Variants in STYXL1 observed in about 807,000 individuals in gnomAD.
The protein encoded by STYXL1 is serine/threonine/tyrosine interacting like 1, also known as serine/threonine/tyrosine-interacting-like protein 1.
In STYXL1, 32 loss-of-function variants were observed where a neutral mutation model predicts 36.4. The ratio of observed to expected loss-of-function variants is 0.88; its 90% CI spans 0.66 to 1.18. The LOEUF (loss-of-function observed/expected upper bound fraction) is 1.18. Ranked by LOEUF, STYXL1 falls within the 50% of genes most tolerant of loss-of-function variation. The probability of loss-of-function intolerance (pLI) is 0.00; values close to 1 mark genes in which losing one functional copy is unlikely to be tolerated. For synonymous variants in STYXL1, 133 were observed against 144.1 expected, an observed-to-expected ratio of 0.92 and a Z score of 0.55; for missense variants, 354 against 394.1, an observed-to-expected ratio of 0.90 and a Z score of 0.86.
chr7:76,000,456 G>A (rs1018548132), intron 8 of STYXL1: 20 of 457,278 alleles, frequency 4.4e-5, no homozygotes, highest in Non-Finnish European at 7.5e-5. Context: ...TGTGAGTTAG[G>A]AGCTCCGAGT....
At chr7:76,018,748 T>C (rs1392681402) in intron 4 of STYXL1, among the ~76,000 whole-genome samples, 3 of 152,226 alleles carry the variant, frequency 2.0e-5, no homozygotes, top group Admixed American at 1.3e-4. Flanking sequence ...CCACATTCTG[T>C]TCTACCTGTT....
In STYXL1 at chr7:76,035,087, T is replaced by C. The variant is rs150106445; in HGVS notation, c.-4-4560A>G. ...ACAGCACCATGATCCACCCAGTTGC[T>C]TGGGCCCGATGACCTCATTCCCCTT... is the stretch of plus-strand genomic sequence containing the variant. On this transcript the variant is annotated intron_variant, in intron 1 of 8. Transcript: ENST00000359697. Among the ~76,000 whole-genome samples the C allele has an allele frequency of 1.4e-3, 215 of 150,002 alleles. 27 individuals are homozygous for C. The South Asian group carries it at 0.043, about 30-fold the overall frequency.
chr7:76,042,371 C>G (rs1214532545), intron 1 of STYXL1, among the ~76,000 whole-genome samples: 1 of 135,500 alleles, frequency 7.4e-6, no homozygotes, highest in Non-Finnish European at 1.6e-5. Flanking sequence ...ACCAACTGCT[C>G]CCTGGGTGCC....
At chr7:76,041,147 A>G (rs2116490296) in intron 1 of STYXL1, among the ~76,000 whole-genome samples, 1 of 151,290 alleles carries the variant, frequency 6.6e-6, no homozygotes, top group South Asian at 2.1e-4. Context: ...GACCAGCCTG[A>G]GCAATATAGT....
rs182042259 is a variant in STYXL1, at chr7:76,004,155, A to G, written c.600-300T>C. 1.3e-3 allele frequency among the ~76,000 whole-genome samples: 204 copies of G among 152,144 alleles called. 9 individuals are homozygous for G. In the South Asian group the frequency reaches 0.038, roughly 28 times the overall value. On this transcript the variant is annotated intron_variant, in intron 6 of 8. Coordinates refer to ENST00000359697, the MANE Select transcript of STYXL1 (RefSeq NM_001317785.2). Reference sequence around the variant, plus strand: ...GTTGCCCAGGCTGGAGTGCAGTGGCACGATCTCGGCTCACTGCAACCTCTA... The same window carrying G: ...GTTGCCCAGGCTGGAGTGCAGTGGCGCGATCTCGGCTCACTGCAACCTCTA...
At chr7:76,024,187 C>T (rs1196577842) in intron 3 of STYXL1, among the ~76,000 whole-genome samples, 1 of 152,094 alleles carries the variant, frequency 6.6e-6, no homozygotes, top group Non-Finnish European at 1.5e-5. Context: ...CAGAATATTA[C>T]TTTAGAGAGC....
chr7:76,041,247 G>A (rs1461607618), intron 1 of STYXL1, among the ~76,000 whole-genome samples: 1 of 151,814 alleles, frequency 6.6e-6, no homozygotes, highest in Non-Finnish European at 1.5e-5. Context: ...GAGTTGAAGA[G>A]AAGGTAGGTT....
chr7:76,022,081 G>A (rs1794149718), intron 3 of STYXL1, 89 bp from the exon 4 acceptor site: 2 of 1,543,196 alleles, frequency 1.3e-6, no homozygotes, highest in African/African-American at 2.8e-5. Flanking sequence ...AGCACTGGGA[G>A]GAGCTAAGAC....
chr7:76,030,648 T>C (rs1440141104), intron 1 of STYXL1, 121 bp from the exon 2 acceptor site: 1 of 650,138 alleles, frequency 1.5e-6, no homozygotes, highest in Non-Finnish European at 2.8e-6. Context: ...ACAGTAATCA[T>C]GTAAATGATC....
chr7:76,021,981 T>A lies in STYXL1; in HGVS notation c.177A>T (p.Glu59Asp), dbSNP rs1554576415. 6.2e-7 allele frequency: 1 copy of A among 1,600,420 alleles called. No individual in the cohort carries two copies. The highest frequency in any genetic ancestry group is 1.1e-5 in the South Asian group (1 of 88,092). The change falls in exon 4 of 9, where the codon GAA becomes GAT. Residue 59 changes from glutamate (E) to aspartate (D), a missense_variant. By Grantham distance (45) the Glu-to-Asp change is conservative. Coordinates refer to ENST00000359697, the MANE Select transcript of STYXL1 (RefSeq NM_001317785.2). ...TALRVKKKNN[E>D]YLLPESVDLE... ...GGTCCACAGACTCCGGGAGAAGATATTCATTATTTTTCTTAAAAAAAAAAA... is the reference window on the plus strand; with the variant it reads ...GGTCCACAGACTCCGGGAGAAGATAATCATTATTTTTCTTAAAAAAAAAAA...
intron 3 of STYXL1, among the ~76,000 whole-genome samples, chr7:76,024,678 C>T (rs181770699): frequency 7.3e-5 from 11 of 151,544 alleles, no homozygotes; most frequent in Non-Finnish European, 1.0e-4. Flanking sequence ...TGGCCAGGTG[C>T]GGTGGCTCAC....
rs1585226982 is a variant in STYXL1 at position 76,013,830 on chromosome 7, T to G, written c.365A>C (p.His122Pro). 1 of 1,613,168 alleles carries G rather than the reference T, an allele frequency of 6.2e-7. No individual in the cohort carries two copies. The highest frequency in any genetic ancestry group is 1.3e-5 in the African/African-American group (1 of 74,700). ...GCCCCCTTTCAGGATGTAGACGGGG[T>G]GGTGGGTGAGGCGGGTCAGGATCCT... ...YGRILTRLTH[H>P]PVYILKGGYE... The change falls in exon 5 of 9, where the codon CAC becomes CCC. Residue 122 changes from histidine (H) to proline (P), a missense_variant. By Grantham distance (77) the His-to-Pro change is moderately conservative. Transcript: ENST00000359697.
In STYXL1 at chr7:76,037,026, C is replaced by T. The variant is rs888451498; in HGVS notation, c.-4-6499G>A. Among the ~76,000 whole-genome samples the T allele has an allele frequency of 1.0e-4, 15 of 149,688 alleles. 2 individuals carry two copies. The highest frequency in any genetic ancestry group is 4.7e-4 in the Admixed American group (7 of 14,992). On this transcript the variant is annotated intron_variant, in intron 1 of 8. Coordinates refer to ENST00000359697, the MANE Select transcript of STYXL1 (RefSeq NM_001317785.2). ...GTCTCAATCTCCTGACCTCGTGATC[C>T]GCCCGCCTCGGCCTACCAAAGTGCT...
At chr7:75,998,752 T>C (rs2116714753) in intron 8 of STYXL1, 1 of 152,230 alleles carries the variant, frequency 6.6e-6, no homozygotes, top group South Asian at 2.1e-4. Flanking sequence ...CAAAAGCCGG[T>C]TCTTTGAAAA....
chr7:76,029,549 C>T (rs557735270), intron 2 of STYXL1, among the ~76,000 whole-genome samples: 7 of 151,996 alleles, frequency 4.6e-5, no homozygotes, highest in South Asian at 4.2e-4. Flanking sequence ...GGCTGGGGGG[C>T]GGGGATGGTT....
At chr7:76,038,971 G>A (rs1796218145) in intron 1 of STYXL1, among the ~76,000 whole-genome samples, 1 of 132,278 alleles carries the variant, frequency 7.6e-6, no homozygotes, top group Admixed American at 7.8e-5. Context: ...TTTTTGAGAC[G>A]GAATCTTGCC....
chr7:76,021,116 C>T (rs1338021498), intron 4 of STYXL1, among the ~76,000 whole-genome samples: 4 of 148,268 alleles, frequency 2.7e-5, no homozygotes, highest in African/African-American at 7.6e-5. Context: ...CTCGCTCTGT[C>T]GCCCAGGCTG....
chr7:76,006,036 C>A (rs1409383911), intron 5 of STYXL1, among the ~76,000 whole-genome samples: 6 of 152,002 alleles, frequency 3.9e-5, no homozygotes, highest in Admixed American at 3.9e-4. Flanking sequence ...GGATTACAGG[C>A]GTGAGCCACT....
intron 5 of STYXL1, among the ~76,000 whole-genome samples, chr7:76,007,109 A>C (rs1032913058): frequency 6.6e-6 from 1 of 152,206 alleles, no homozygotes; most frequent in Admixed American, 6.5e-5. Context: ...AGGTATTATA[A>C]ATAATCTAGA....
Sources: allele counts gnomAD v4.1 joint callset (sites outside exome capture counted in the v4.1 genomes callset), GRCh38; gene constraint gnomAD v4.1.1; transcripts MANE v1.5; gene names NCBI Gene and HGNC (gene_info 2026-07-23, HGNC 2026-07-21).